The following PTH2R variants were observed in gnomAD, a reference collection of about 807,000 sequenced individuals.
The protein encoded by PTH2R is parathyroid hormone 2 receptor.
A neutral mutation model predicts 60.3 loss-of-function variants in PTH2R; 59 were observed. The observed-to-expected ratio is 0.98, with a 90% CI of 0.79 to 1.22. The LOEUF is 1.22. Among genes scored for constraint, PTH2R ranks in the 50% most tolerant of loss-of-function variants. The pLI is 0.00. For missense variants in PTH2R, 749 were observed against 682.6 expected, an observed-to-expected ratio of 1.10 and a Z score of -1.08; for synonymous variants, 256 against 243.8, an observed-to-expected ratio of 1.05 and a Z score of -0.47.
At chr2:208,365,054 G>GTT (rs34918094) in intron 1 of PTH2R, among the ~76,000 whole-genome samples, 59 of 140,590 alleles carry the variant, frequency 4.2e-4, no homozygotes, top group African/African-American at 1.0e-3. Context: ...GTTCTAACCT[G>GTT]TTTTTTTTTT....
intron 1 of PTH2R, among the ~76,000 whole-genome samples, chr2:208,416,312 T>G (rs1701640076): frequency 6.6e-6 from 1 of 152,218 alleles, no homozygotes; most frequent in South Asian, 2.1e-4. Flanking sequence ...TCAATGGTTA[T>G]TTATTGTATT....
At chr2:208,443,210 T>C (rs1702221714) in intron 5 of PTH2R, 138 bp from the exon 6 acceptor site, 1 of 612,714 alleles carries the variant, frequency 1.6e-6, no homozygotes, top group African/African-American at 1.9e-5. Context: ...TATCTGCAGA[T>C]TTTGGAATTT....
Position 208,490,624 on chromosome 2 carries a change from C to T in PTH2R, c.1216-15C>T, listed in dbSNP as rs745944434. 5 of 1,605,292 alleles carry T rather than the reference C, an allele frequency of 3.1e-6. No homozygotes were observed. The highest frequency in any genetic ancestry group is 2.7e-5 in the African/African-American group (2 of 74,308). On this transcript the variant is annotated splice_polypyrimidine_tract_variant and intron_variant, in intron 11 of 12. Coordinates refer to ENST00000272847, the MANE Select transcript of PTH2R (RefSeq NM_005048.4). ...TCTGAGTTGGCAGTGGGCTGACTTT[C>T]TCTTTTGTCTGCAGGGTTTCTTTGT...
intron 9 of PTH2R, 53 bp downstream of exon 9, chr2:208,460,014 C>A: frequency 6.8e-7 from 1 of 1,476,634 alleles, no homozygotes; most frequent in Non-Finnish European, 9.4e-7. Flanking sequence ...TAACCTGCTG[C>A]TAAAACCCAG....
intron 9 of PTH2R, among the ~76,000 whole-genome samples, chr2:208,476,572 T>C (rs1703009115): frequency 6.6e-6 from 1 of 152,198 alleles, no homozygotes; most frequent in Non-Finnish European, 1.5e-5. Flanking sequence ...TTACCTGTTA[T>C]GTAAAAGTTC....
intron 1 of PTH2R, among the ~76,000 whole-genome samples, chr2:208,374,802 G>A (rs896011353): frequency 2.0e-5 from 3 of 152,128 alleles, no homozygotes; most frequent in African/African-American, 4.8e-5. Flanking sequence ...CACCACGCCC[G>A]GCCCAAATGA....
At chr2:208,387,524 T>C (rs538321918) in intron 1 of PTH2R, among the ~76,000 whole-genome samples, 1 of 152,322 alleles carries the variant, frequency 6.6e-6, no homozygotes, top group East Asian at 1.9e-4. Flanking sequence ...TTTGTTGCTT[T>C]GATTCCCTTA....
chr2:208,447,986 G>C (rs966218641), intron 7 of PTH2R, among the ~76,000 whole-genome samples: 1 of 151,734 alleles, frequency 6.6e-6, no homozygotes, highest in Admixed American at 6.6e-5. Context: ...TATATTAGTA[G>C]CCATCCTTAA....
intron 1 of PTH2R, among the ~76,000 whole-genome samples, chr2:208,385,886 A>G (rs1700992783): frequency 1.3e-5 from 2 of 152,368 alleles, no homozygotes; most frequent in Middle Eastern, 3.4e-3. Context: ...GCGTTTTCAT[A>G]TTAACCAAAG....
intron 1 of PTH2R, 116 bp downstream of exon 1, chr2:208,407,234 A>G (rs1701434780): frequency 3.2e-5 from 26 of 813,632 alleles, no homozygotes; most frequent in Non-Finnish European, 4.5e-5. Context: ...ACGTCCACAA[A>G]CGCCCCGGCA....
rs1394233687 is a variant in PTH2R at position 208,480,935 on chromosome 2, C to G, written c.982-135C>G. 9 of 610,880 alleles carry G rather than the reference C, an allele frequency of 1.5e-5. No homozygotes were observed. The Admixed American group carries it at 3.0e-4, about 20-fold the overall frequency. 37.8% of individuals were successfully genotyped at this position (610,880 alleles called of 1,614,324 possible). Reference sequence around the variant, plus strand: ...AATCACTAGCCTTCCAATATCTGATCTCAGGTTCCCCTGTTCACATTTATG... The same window carrying G: ...AATCACTAGCCTTCCAATATCTGATGTCAGGTTCCCCTGTTCACATTTATG... On this transcript the variant is annotated intron_variant, in intron 9 of 12. Transcript: ENST00000272847.
At chr2:208,396,792 G>A (rs556163028) in intron 1 of PTH2R, among the ~76,000 whole-genome samples, 5 of 152,152 alleles carry the variant, frequency 3.3e-5, no homozygotes, top group East Asian at 1.9e-4. Flanking sequence ...TTGACCCAGC[G>A]ATCCCATTAC....
intron 6 of PTH2R, 119 bp downstream of exon 6, chr2:208,443,656 G>A: frequency 2.6e-6 from 2 of 756,404 alleles, no homozygotes; most frequent in Non-Finnish European, 3.9e-6. Context: ...TAACTAAAAT[G>A]GATTATCAAT....
chr2:208,423,574 T>C (rs1272918629), intron 1 of PTH2R, among the ~76,000 whole-genome samples: 1 of 152,222 alleles, frequency 6.6e-6, no homozygotes, highest in Non-Finnish European at 1.5e-5. Context: ...TCTCCATTGC[T>C]GGGTGAAGCG....
At chr2:208,431,019 C>T (rs894471683) in intron 2 of PTH2R, among the ~76,000 whole-genome samples, 1 of 152,046 alleles carries the variant, frequency 6.6e-6, no homozygotes, top group African/African-American at 2.4e-5. Context: ...AAATTTTGCT[C>T]CCCTTTATTC....
intron 1 of PTH2R, among the ~76,000 whole-genome samples, chr2:208,374,903 G>A (rs529804005): frequency 6.6e-6 from 1 of 152,180 alleles, no homozygotes; most frequent in South Asian, 2.1e-4. Flanking sequence ...GCTAGATCCG[G>A]TGCTGCAAAG....
chr2:208,454,043 G>A (rs1702461328), intron 8 of PTH2R, among the ~76,000 whole-genome samples: 1 of 152,188 alleles, frequency 6.6e-6, no homozygotes, highest in Non-Finnish European at 1.5e-5. Context: ...TGCCTCCGGG[G>A]CTGACTGCAG....
At chr2:208,424,210 A>G (rs1000519461) in intron 1 of PTH2R, among the ~76,000 whole-genome samples, 3 of 152,248 alleles carry the variant, frequency 2.0e-5, no homozygotes, top group Non-Finnish European at 2.9e-5. Context: ...GGGGGTGTCC[A>G]GAAGCCTTGT....
intron 2 of PTH2R, among the ~76,000 whole-genome samples, chr2:208,432,615 C>G (rs13383524): frequency 6.6e-6 from 1 of 151,996 alleles, no homozygotes; most frequent in African/African-American, 2.4e-5. Flanking sequence ...GATAGGCCAT[C>G]TGCAAGCTGG....
Sources: gnomAD v4.1 joint callset for allele counts (sites outside exome capture counted in the v4.1 genomes callset) on GRCh38, gnomAD v4.1.1 for gene constraint, MANE v1.5 for transcripts, NCBI Gene and HGNC (gene_info 2026-07-23, HGNC 2026-07-21) for gene names.